IGSF1: variants seen among roughly 807,000 people sequenced by gnomAD.
The protein encoded by IGSF1 is immunoglobulin-like domain-containing protein 1.
In IGSF1, 40 loss-of-function variants were observed where a neutral mutation model predicts 95.3. That is an observed-to-expected ratio of 0.42 (90% CI 0.33 to 0.55). The LOEUF is 0.55. Ranked by LOEUF, IGSF1 falls within the 20% of genes least tolerant of loss-of-function variation. The pLI is 0.10. For synonymous variants in IGSF1, 372 were observed against 382.9 expected, an observed-to-expected ratio of 0.97 and a Z score of 0.33; for missense variants, 906 against 1,025.4, an observed-to-expected ratio of 0.88 and a Z score of 1.59.
At chrX:131,288,783 G>T (rs1478275479) in intron 1 of IGSF1, among the ~76,000 whole-genome samples, 2 of 102,907 alleles carry the variant, frequency 1.9e-5, no homozygotes, top group Non-Finnish European at 4.0e-5. Context: ...CTGCCTAGCC[G>T]TTTTACCCTT....
intron 16 of IGSF1, 22 bp downstream of exon 16, chrX:131,275,456 C>T: frequency 5.0e-6 from 6 of 1,201,469 alleles, no homozygotes; most frequent in East Asian, 3.0e-5. Flanking sequence ...TCCATGCCCA[C>T]TCGACAGCCT....
intron 5 of IGSF1, chrX:131,284,347 A>G (rs763339643): frequency 5.4e-6 from 1 of 186,405 alleles, no homozygotes; most frequent in Non-Finnish European, 8.3e-6. Context: ...TCCCATTTTT[A>G]GAGTAGAGGA....
intron 9 of IGSF1, among the ~76,000 whole-genome samples, chrX:131,280,264 G>GA (rs899024344): frequency 9.0e-6 from 1 of 111,331 alleles, no homozygotes; most frequent in African/African-American, 3.3e-5. Context: ...AAACTCAAAG[G>GA]GTGGTGGTTT....
chrX:131,287,185 A>ATG (rs1181169353), intron 1 of IGSF1, among the ~76,000 whole-genome samples: 4 of 104,717 alleles, frequency 3.8e-5, no homozygotes, highest in African/African-American at 1.4e-4. Context: ...GTGTATATAT[A>ATG]TATATAGAGA....
At chrX:131,280,786 T>G (rs1038485659) in intron 9 of IGSF1, among the ~76,000 whole-genome samples, 5 of 111,878 alleles carry the variant, frequency 4.5e-5, no homozygotes, top group African/African-American at 1.6e-4. Context: ...TCACAAGGCT[T>G]AATAGCTCCT....
rs750293642 is a variant in IGSF1, at chrX:131,286,832, G to A, written c.-67-91C>T. On this transcript the variant is annotated intron_variant, in intron 1 of 19. Transcript: ENST00000361420. The stretch of plus-strand genomic sequence containing the variant: ...AAATTGCACTTGACAACCCTACATT[G>A]TACTTCCTCACAGGCATGCAGGGTA... 6 of 406,740 alleles carry A rather than the reference G, an allele frequency of 1.5e-5. No individual in the cohort carries two copies. In the South Asian group the frequency reaches 3.0e-4, roughly 21 times the overall value. The allele number at this position is 406,740 out of a possible 1,213,427, so 33.5% of individuals were successfully genotyped here.
rs141570084 is a variant in IGSF1, at chrX:131,284,695, G to A, written c.667+484C>T. The A allele has an allele frequency of 7.0e-4, 523 of 751,771 alleles. 2 individuals are homozygous for A. In the African/African-American group the frequency reaches 0.011, roughly 16 times the overall value. The allele number at this position is 751,771 out of a possible 1,213,427, so 62.0% of individuals were successfully genotyped here. ...ATTTATAAAGCCATTTCTAAAATAT[G>A]AGCTATCACATTCTTTGTCATTTGT... is the stretch of plus-strand genomic sequence containing the variant. On this transcript the variant is annotated intron_variant, in intron 5 of 19. Transcript: ENST00000361420.
intron 9 of IGSF1, among the ~76,000 whole-genome samples, chrX:131,279,896 G>A (rs1485379929): frequency 8.9e-6 from 1 of 112,041 alleles, no homozygotes; most frequent in Non-Finnish European, 1.9e-5. Context: ...GCCGAGCCAA[G>A]CTTTTCAGAG....
At chrX:131,280,022 G>C (rs1272039926) in intron 9 of IGSF1, among the ~76,000 whole-genome samples, 2 of 111,979 alleles carry the variant, frequency 1.8e-5, no homozygotes, top group Non-Finnish European at 3.8e-5. Context: ...TTTTTACTTA[G>C]AAAACACTGA....
chrX:131,274,520 A>G, intron 18 of IGSF1, 79 bp downstream of exon 18: 1 of 1,040,505 alleles, frequency 9.6e-7, no homozygotes, highest in East Asian at 3.0e-5. Context: ...CATTCTCCTG[A>G]TTTGGGATGT....
intron 1 of IGSF1, among the ~76,000 whole-genome samples, chrX:131,287,324 C>G (rs1266098445): frequency 9.2e-6 from 1 of 109,116 alleles, no homozygotes; most frequent in Non-Finnish European, 1.9e-5. Flanking sequence ...AATATTAGAG[C>G]CCAAATTAGA....
At chrX:131,280,667 A>G (rs527846036) in intron 9 of IGSF1, among the ~76,000 whole-genome samples, 6 of 112,113 alleles carry the variant, frequency 5.4e-5, no homozygotes, top group East Asian at 2.8e-4. Context: ...GCCCCGTCCA[A>G]TATCACATCA....
chrX:131,286,380 C>G (rs138516869), intron 3 of IGSF1, 57 bp downstream of exon 3: 1 of 1,013,199 alleles, frequency 9.9e-7, no homozygotes, highest in African/African-American at 1.9e-5. Context: ...CATGGAGACA[C>G]GCCAGCATCT....
In IGSF1 at chrX:131,288,913, A is replaced by G. The variant is rs937758394; in HGVS notation, c.-68+301T>C. The stretch of plus-strand genomic sequence containing the variant: ...CTGCATAGCTTTGAGGGCTCCAGGA[A>G]TCAAAGGGGTTGGGCTCGGCGGGGT... On this transcript the variant is annotated intron_variant, in intron 1 of 19. Transcript: ENST00000361420. 393 of 228,865 alleles carry G rather than the reference A, an allele frequency of 1.7e-3. 1 individual carries two copies. The highest frequency in any genetic ancestry group is 1.9e-3 in the Non-Finnish European group (235 of 122,284). 18.9% of individuals were successfully genotyped at this position (228,865 alleles called of 1,213,427 possible). A position where few individuals can be genotyped will look rare whatever the true frequency, so the allele number is the denominator to read the frequency against.
Position 131,275,639 on chromosome X carries a change from G to T in IGSF1, c.3023C>A (p.Ala1008Asp), listed in dbSNP as rs150244250. The change falls in exon 16 of 20, where the codon GCC becomes GAC. Residue 1008 changes from alanine to aspartate, a missense_variant. By Grantham distance (126) the Ala-to-Asp change is moderately radical (BLOSUM62 -2). Coordinates refer to ENST00000361420, the MANE Select transcript of IGSF1 (RefSeq NM_001555.5). ...GGATCCCCAGAGCTGCATTGAAGTG[G>T]CTTCTCCTTCTTTGTGCAGAATGTA... ...VGYILHKEGE[A>D]TSMQLWGSTS... 63 of 1,209,486 alleles carry T rather than the reference G, an allele frequency of 5.2e-5. No individual in the cohort carries two copies. The Middle Eastern group carries it at 1.4e-3, about 26-fold the overall frequency.
Position 131,282,687 on chromosome X carries a change from T to C in IGSF1, c.1003A>G (p.Met335Val), listed in dbSNP as rs1478349545. The change falls in exon 7 of 20, where the codon ATG becomes GTG. Residue 335 changes from methionine to valine, a missense_variant. By Grantham distance (21) the Met-to-Val change is conservative (BLOSUM62 1). Coordinates refer to ENST00000361420, the MANE Select transcript of IGSF1 (RefSeq NM_001555.5). ...LLARPSAVVQ[M>V]GQNVSLRCRG... ...CACCGTAGGCTCACATTCTGACCCA[T>C]TTGGACCACAGCACTGGGCCGAGCA... is the stretch of plus-strand genomic sequence containing the variant. 4 of 1,210,973 alleles carry C rather than the reference T, an allele frequency of 3.3e-6. No homozygotes were observed. Among genetic ancestry groups the C allele is most frequent in the Non-Finnish European group, 4.5e-6 (4 of 894,858 alleles).
Position 131,286,692 on chromosome X carries a change from C to T in IGSF1, c.-18G>A. On this transcript the variant is annotated 5_prime_UTR_variant, in exon 2 of 20. Transcript: ENST00000361420. ...AGGGTCATGGGGCCTCTGGTGCTGG[C>T]TGTGTGCTCTGAGTCTTGAAGAATT... is the stretch of plus-strand genomic sequence containing the variant. 2 of 1,138,306 alleles carry T rather than the reference C, an allele frequency of 1.8e-6. No homozygotes were observed. Among genetic ancestry groups the T allele is most frequent in the South Asian group, 2.1e-5 (1 of 47,148 alleles). The allele number at this position is 1,138,306 out of a possible 1,213,427, so 93.8% of individuals were successfully genotyped here.
chrX:131,285,890 T>G lies in IGSF1; in HGVS notation c.256A>C (p.Thr86Pro), dbSNP rs1201838011. The G allele has an allele frequency of 1.7e-6, 2 of 1,209,263 alleles. No homozygotes were observed. The highest frequency in any genetic ancestry group is 2.2e-6 in the Non-Finnish European group (2 of 895,017). The change falls in exon 4 of 20, where the codon ACC (threonine) becomes CCC (proline). Residue 86 changes from threonine (T) to proline (P), a missense_variant. This residue lies in a region of IGSF1 where 442 missense variants were observed against 448.1 expected (regional missense o/e 0.99). Coordinates refer to ENST00000361420, the MANE Select transcript of IGSF1 (RefSeq NM_001555.5). ...CCTATAAGGAATGAAACTTGGAAGG[T>G]CTTGTGGGAAGGGCGGATCCAGGTC... Reference protein sequence around the residue: ...QMTWIRPSHKTFQVSFLIGAL... With the variant: ...QMTWIRPSHKPFQVSFLIGAL...
At chrX:131,277,486 G>T in intron 13 of IGSF1, 1 of 374,109 alleles carries the variant, frequency 2.7e-6, no homozygotes, top group Admixed American at 5.0e-5. Flanking sequence ...TAGTAAAAAG[G>T]TAGAATTTTT....
Sources: allele counts gnomAD v4.1 joint callset (sites outside exome capture counted in the v4.1 genomes callset), GRCh38; gene constraint gnomAD v4.1.1; regional missense constraint gnomAD v4.1.1; transcripts MANE v1.5; gene names NCBI Gene and HGNC (gene_info 2026-07-23, HGNC 2026-07-21).